The following FA2H variants were observed in gnomAD, a reference collection of about 807,000 sequenced individuals.
The protein encoded by FA2H is fatty acid alpha-hydroxylase.
A neutral mutation model predicts 44.9 loss-of-function variants in FA2H; 22 were observed. The ratio of observed to expected loss-of-function variants is 0.49; its 90% CI spans 0.35 to 0.70. FA2H has a LOEUF of 0.70. FA2H is among the 30% of genes least tolerant of loss of function. The pLI is 0.01. For synonymous variants in FA2H, 243 were observed against 213.2 expected (o/e 1.14, Z -1.22); for missense variants, 501 against 504.9 (o/e 0.99, Z 0.07).
At chr16:74,763,556 C>A (rs1360263467) in intron 1 of FA2H, among the ~76,000 whole-genome samples, 1 of 152,200 alleles carries the variant, frequency 6.6e-6, no homozygotes, top group Admixed American at 6.5e-5. Context: ...CCGTGCCCGG[C>A]CTGGAATTTA....
intron 1 of FA2H, among the ~76,000 whole-genome samples, chr16:74,768,273 C>A (rs901543389): frequency 5.9e-5 from 9 of 152,306 alleles, no homozygotes; most frequent in African/African-American, 1.7e-4. Context: ...AATTCTGGGT[C>A]TCAAAGCCTC....
intron 1 of FA2H, among the ~76,000 whole-genome samples, chr16:74,767,735 T>C (rs892152893): frequency 2.6e-5 from 4 of 152,240 alleles, no homozygotes; most frequent in African/African-American, 9.6e-5. Flanking sequence ...TCCCTGCAGA[T>C]TCATTTTTTA....
At chr16:74,766,115 A>G (rs916201950) in intron 1 of FA2H, among the ~76,000 whole-genome samples, 19 of 152,154 alleles carry the variant, frequency 1.2e-4, no homozygotes, top group African/African-American at 3.9e-4. Flanking sequence ...CCTGGCAAAC[A>G]TGGTGAAACC....
Position 74,774,582 on chromosome 16 carries a change from G to A in FA2H, c.174C>T (p.Ile58=). The change falls in exon 1 of 7, where the codon ATC becomes ATT. Residue 58 remains isoleucine (I), a synonymous_variant. Transcript: ENST00000219368. ...QLLRARAGQD[I]SADLDGPPHR... Reference sequence around the variant, plus strand: ...GCGGCGGCCCGTCCAGGTCGGCGCTGATGTCCTGGCCCGCCCTGGCCCGCA... The same window carrying A: ...GCGGCGGCCCGTCCAGGTCGGCGCTAATGTCCTGGCCCGCCCTGGCCCGCA... 1.3e-6 allele frequency: 2 copies of A among 1,537,274 alleles called. No individual in the cohort carries two copies. The highest frequency in any genetic ancestry group is 1.7e-6 in the Non-Finnish European group (2 of 1,151,370).
chr16:74,723,005 T>C (rs1304156359), intron 4 of FA2H, among the ~76,000 whole-genome samples: 2 of 152,142 alleles, frequency 1.3e-5, no homozygotes, highest in African/African-American at 2.4e-5. Flanking sequence ...AATCTAAGCA[T>C]ATTTTTTAGT....
chr16:74,729,488 G>A (rs1962032091), intron 2 of FA2H, among the ~76,000 whole-genome samples: 4 of 152,212 alleles, frequency 2.6e-5, no homozygotes, highest in Admixed American at 1.3e-4. Flanking sequence ...TGCACAGACT[G>A]TGAGAGTACA....
chr16:74,726,085 T>C (rs1961947356), intron 4 of FA2H, 140 bp downstream of exon 4: 6 of 683,652 alleles, frequency 8.8e-6, no homozygotes, highest in South Asian at 3.1e-5. Flanking sequence ...TGGAAGACTA[T>C]TTCTACAGAG....
At chr16:74,716,206 C>G in intron 6 of FA2H, 141 bp downstream of exon 6, 1 of 873,224 alleles carries the variant, frequency 1.1e-6, no homozygotes, top group Non-Finnish European at 1.8e-6. Context: ...GCTGTCTGCA[C>G]CAGGGAAGAG....
chr16:74,765,882 T>G (rs1286151879), intron 1 of FA2H, among the ~76,000 whole-genome samples: 2 of 152,236 alleles, frequency 1.3e-5, no homozygotes, highest in Non-Finnish European at 2.9e-5. Context: ...CCTATTGGTA[T>G]GTACCAGTGG....
intron 2 of FA2H, among the ~76,000 whole-genome samples, chr16:74,734,324 G>A (rs1962138418): frequency 6.6e-6 from 1 of 152,264 alleles, no homozygotes. Flanking sequence ...CCGTCCAGAG[G>A]AAGCTGGCCT....
rs569432310 is a variant in FA2H at position 74,724,400 on chromosome 16, C to T, written c.613+1825G>A. 5.9e-5 allele frequency among the ~76,000 whole-genome samples: 9 copies of T among 152,324 alleles called. 1 individual carries two copies. The highest frequency in any genetic ancestry group is 2.2e-4 in the African/African-American group (9 of 41,576). On this transcript the variant is annotated intron_variant, in intron 4 of 6. Transcript: ENST00000219368. Reference sequence around the variant, plus strand: ...CTGAGTATGCAGCGCCGCCCCCTTTCCCCCGTCTCCTCAGCTTTTGAAAGC... The same window carrying T: ...CTGAGTATGCAGCGCCGCCCCCTTTTCCCCGTCTCCTCAGCTTTTGAAAGC...
At chr16:74,755,163 T>TTG (rs916457349) in intron 1 of FA2H, among the ~76,000 whole-genome samples, 5 of 151,282 alleles carry the variant, frequency 3.3e-5, no homozygotes, top group African/African-American at 1.2e-4. Context: ...ATTTGTGTTT[T>TTG]TTTTTTTGGC....
intron 4 of FA2H, among the ~76,000 whole-genome samples, chr16:74,720,760 C>T (rs896134350): frequency 6.6e-6 from 1 of 152,216 alleles, no homozygotes; most frequent in African/African-American, 2.4e-5. Flanking sequence ...CCTCCCAACC[C>T]TAGGAAGCTA....
At chr16:74,730,015 C>T (rs1567638595) in intron 2 of FA2H, among the ~76,000 whole-genome samples, 1 of 152,164 alleles carries the variant, frequency 6.6e-6, no homozygotes, top group Non-Finnish European at 1.5e-5. Context: ...CAGAAACCTC[C>T]TTCCCCTGGC....
intron 4 of FA2H, among the ~76,000 whole-genome samples, chr16:74,719,987 G>A (rs1278408873): frequency 2.0e-5 from 3 of 151,916 alleles, no homozygotes; most frequent in Non-Finnish European, 4.4e-5. Context: ...TGAAAACACT[G>A]AAGATGATCA....
intron 4 of FA2H, among the ~76,000 whole-genome samples, chr16:74,724,819 T>C (rs1057345451): frequency 6.6e-6 from 1 of 152,102 alleles, no homozygotes; most frequent in Admixed American, 6.5e-5. Context: ...ACCTCTCCTA[T>C]AGGTCAAGCC....
chr16:74,759,389 T>C (rs779114132), intron 1 of FA2H, among the ~76,000 whole-genome samples: 2 of 152,174 alleles, frequency 1.3e-5, no homozygotes, highest in Non-Finnish European at 2.9e-5. Flanking sequence ...CATCGGCTGA[T>C]TGGCTGGGAT....
At chr16:74,729,643 C>T (rs1357758792) in intron 2 of FA2H, among the ~76,000 whole-genome samples, 1 of 152,164 alleles carries the variant, frequency 6.6e-6, no homozygotes, top group Non-Finnish European at 1.5e-5. Flanking sequence ...GGATTTCTGA[C>T]AAGCCAGTGC....
At chr16:74,730,348 G>A (rs1367796622) in intron 2 of FA2H, among the ~76,000 whole-genome samples, 1 of 152,144 alleles carries the variant, frequency 6.6e-6, no homozygotes, top group Non-Finnish European at 1.5e-5. Context: ...TTCTCAGGCT[G>A]GAAGATGATC....
Sources: gnomAD v4.1 joint callset for allele counts (sites outside exome capture counted in the v4.1 genomes callset) on GRCh38, gnomAD v4.1.1 for gene constraint, MANE v1.5 for transcripts, NCBI Gene and HGNC (gene_info 2026-07-23, HGNC 2026-07-21) for gene names.